Variants in TPRG1 observed in about 807,000 individuals in gnomAD.
The protein encoded by TPRG1 is tumor protein p63-regulated gene 1 protein.
Under a neutral mutation model 29.3 loss-of-function variants are expected in TPRG1, and 29 were observed. The observed-to-expected ratio is 0.99, with a 90% CI of 0.74 to 1.35. TPRG1 has a LOEUF of 1.35. TPRG1 is among the 40% of genes most tolerant of loss of function. The pLI is 0.00. For synonymous variants in TPRG1, 130 were observed against 116.8 expected, an observed-to-expected ratio of 1.11 and a Z score of -0.73; for missense variants, 327 against 335.0, an observed-to-expected ratio of 0.98 and a Z score of 0.19.
chr3:189,056,145 G>A (rs1303702335), intron 4 of TPRG1, among the ~76,000 whole-genome samples: 2 of 149,796 alleles, frequency 1.3e-5, no homozygotes, highest in African/African-American at 2.5e-5. Context: ...TGCCCAGGCT[G>A]GAGAGCATGG....
At chr3:189,301,632 G>A (rs915796198) in intron 4 of TPRG1, among the ~76,000 whole-genome samples, 3 of 151,762 alleles carry the variant, frequency 2.0e-5, no homozygotes, top group African/African-American at 7.3e-5. Context: ...ATCCTCTTTT[G>A]TGTTTGCCTC....
chr3:189,112,330 G>A (rs141165063), intron 1 of TPRG1, among the ~76,000 whole-genome samples: 3 of 152,272 alleles, frequency 2.0e-5, no homozygotes, highest in East Asian at 3.9e-4. Context: ...AAGTGTTCCT[G>A]TTCACTCTGA....
intron 1 of TPRG1, among the ~76,000 whole-genome samples, chr3:188,998,208 G>A (rs1043097135): frequency 2.6e-5 from 4 of 152,152 alleles, no homozygotes; most frequent in African/African-American, 9.7e-5. Flanking sequence ...AAATCAAGTG[G>A]TGTGATGGGA....
At chr3:189,205,592 A>C (rs1172336632) in intron 1 of TPRG1, among the ~76,000 whole-genome samples, 1 of 152,236 alleles carries the variant, frequency 6.6e-6, no homozygotes, top group Non-Finnish European at 1.5e-5. Flanking sequence ...AACCAAGGAA[A>C]TTGATTAAAA....
intron 1 of TPRG1, among the ~76,000 whole-genome samples, chr3:189,187,447 C>T (rs1560527698): frequency 6.6e-6 from 1 of 151,218 alleles, no homozygotes; most frequent in Non-Finnish European, 1.5e-5. Context: ...CCTGGGATTA[C>T]AGACCCCGCC....
intron 4 of TPRG1, among the ~76,000 whole-genome samples, chr3:189,302,693 G>A (rs191554374): frequency 5.3e-5 from 8 of 152,236 alleles, no homozygotes; most frequent in African/African-American, 1.4e-4. Context: ...TCCTTTGTTC[G>A]AAAGTTATTT....
intron 4 of TPRG1, among the ~76,000 whole-genome samples, chr3:189,038,022 T>C (rs1036973788): frequency 4.6e-5 from 7 of 151,472 alleles, no homozygotes; most frequent in Non-Finnish European, 7.4e-5. Flanking sequence ...ATGTATAGAA[T>C]TCCAATCAAA....
intron 3 of TPRG1, among the ~76,000 whole-genome samples, chr3:189,013,968 T>C (rs1712786529): frequency 1.3e-5 from 2 of 152,200 alleles, no homozygotes; most frequent in South Asian, 2.1e-4. Flanking sequence ...CTTGCCACTC[T>C]GTCTTTTCAT....
At chr3:189,190,438 C>T (rs1409916160) in intron 1 of TPRG1, among the ~76,000 whole-genome samples, 2 of 152,056 alleles carry the variant, frequency 1.3e-5, no homozygotes, top group Non-Finnish European at 2.9e-5. Flanking sequence ...TCCCTGTCAC[C>T]CCCCACATCT....
chr3:189,242,855 C>A (rs1300602411), intron 4 of TPRG1, among the ~76,000 whole-genome samples: 1 of 151,422 alleles, frequency 6.6e-6, no homozygotes, highest in Non-Finnish European at 1.5e-5. Flanking sequence ...GGTCCTGAGG[C>A]CTAAGAGGAC....
At chr3:189,177,387 C>A (rs1009207670) in intron 1 of TPRG1, among the ~76,000 whole-genome samples, 3 of 151,358 alleles carry the variant, frequency 2.0e-5, no homozygotes, top group Non-Finnish European at 4.4e-5. Flanking sequence ...AAATGGGAAT[C>A]ATATATGTAT....
chr3:189,196,058 A>C (rs138026299), intron 1 of TPRG1, among the ~76,000 whole-genome samples: 13 of 152,198 alleles, frequency 8.5e-5, no homozygotes, highest in African/African-American at 2.7e-4. Context: ...TTTGCTTCAT[A>C]GGCCAACAAA....
At chr3:189,127,344 G>GT (rs1560468610) in intron 2 of TPRG1, 1 of 152,270 alleles carries the variant, frequency 6.6e-6, no homozygotes, top group Admixed American at 6.5e-5. Context: ...CAAAAACTGG[G>GT]ATCCTAAAAG....
At chr3:189,112,592 G>A (rs1056680900) in intron 1 of TPRG1, among the ~76,000 whole-genome samples, 4 of 152,226 alleles carry the variant, frequency 2.6e-5, no homozygotes, top group Admixed American at 6.5e-5. Context: ...CTTTCCACAT[G>A]TGGCTAGCCA....
chr3:189,285,387 C>T (rs2109163607), intron 4 of TPRG1, among the ~76,000 whole-genome samples: 1 of 152,272 alleles, frequency 6.6e-6, no homozygotes, highest in Admixed American at 6.5e-5. Context: ...TGCACCTGTT[C>T]TGTGTGTTTT....
At chr3:189,043,217 C>T (rs1714742505) in intron 4 of TPRG1, among the ~76,000 whole-genome samples, 1 of 152,122 alleles carries the variant, frequency 6.6e-6, no homozygotes, top group African/African-American at 2.4e-5. Context: ...AACATAGGGC[C>T]TCATGGTGCC....
chr3:189,316,933 T>C (rs574762411), intron 5 of TPRG1, among the ~76,000 whole-genome samples: 1 of 152,262 alleles, frequency 6.6e-6, no homozygotes, highest in South Asian at 2.1e-4. Flanking sequence ...TCTCCTTCAA[T>C]GCACTGCTTG....
intron 4 of TPRG1, among the ~76,000 whole-genome samples, chr3:189,063,647 C>G (rs1039717290): frequency 6.7e-6 from 1 of 150,092 alleles, no homozygotes; most frequent in Non-Finnish European, 1.5e-5. Flanking sequence ...AAGCAACATA[C>G]TTCTAAATAC....
intron 3 of TPRG1, among the ~76,000 whole-genome samples, chr3:189,020,496 G>A (rs1347304466): frequency 1.3e-5 from 2 of 151,122 alleles, no homozygotes; most frequent in Admixed American, 6.6e-5. Flanking sequence ...GTACCCAGTA[G>A]TCATTCAGGA....
Sources: allele counts gnomAD v4.1 joint callset (sites outside exome capture counted in the v4.1 genomes callset), GRCh38; gene constraint gnomAD v4.1.1; transcripts MANE v1.5; gene names NCBI Gene and HGNC (gene_info 2026-07-23, HGNC 2026-07-21).